Variants in NCOA2 observed in about 807,000 individuals in gnomAD.
NCOA2 encodes the protein class E basic helix-loop-helix protein 75.
Under a neutral mutation model 145.1 loss-of-function variants are expected in NCOA2, and 21 were observed. That is an observed-to-expected ratio of 0.14 (90% CI 0.10 to 0.21). The LOEUF (loss-of-function observed/expected upper bound fraction) is 0.21, where lower values mean the gene tolerates loss of function less well. NCOA2 is among the 10% of genes least tolerant of loss of function. NCOA2 has a pLI of 1.00. For synonymous variants in NCOA2, 619 were observed against 637.5 expected (o/e 0.97, Z 0.44); for missense variants, 1,472 against 1,837.6 (o/e 0.80, Z 3.64).
chr8:70,121,810 T>C (rs1280390053), intron 21 of NCOA2, among the ~76,000 whole-genome samples: 4 of 152,242 alleles, frequency 2.6e-5, no homozygotes, highest in Non-Finnish European at 5.9e-5. Flanking sequence ...CAAGAGCAAG[T>C]GTAAATACCC....
At chr8:70,429,541 A>G in the NCOA2 span, among the ~76,000 whole-genome samples, 5 of 152,188 alleles carry the variant, frequency 3.3e-5, no homozygotes, top group Non-Finnish European at 7.3e-5. Context: ...CACTTTGTAC[A>G]CATGTAGGGC....
intron 2 of NCOA2, among the ~76,000 whole-genome samples, chr8:70,231,696 C>T (rs1158553142): frequency 3.9e-5 from 6 of 152,158 alleles, no homozygotes; most frequent in African/African-American, 9.7e-5. Context: ...GCAGTCCACT[C>T]CAGTAGAAGC....
In NCOA2 at chr8:70,126,809, G is replaced by A. The variant is rs904786593; in HGVS notation, c.3916+4C>T. 6.2e-7 allele frequency: 1 copy of A among 1,612,404 alleles called. No homozygotes were observed. Among genetic ancestry groups the A allele is most frequent in the Middle Eastern group, 1.7e-4 (1 of 5,978 alleles). On this transcript the variant is annotated splice_donor_region_variant and intron_variant, in intron 19 of 22. Transcript: ENST00000452400. ...GAAAGGTGGTGGGGATCTAAGTCCAGTACCGTAGTTTGGAGGAAATGGAAA... is the reference window on the plus strand; with the variant it reads ...GAAAGGTGGTGGGGATCTAAGTCCAATACCGTAGTTTGGAGGAAATGGAAA...
the NCOA2 span, among the ~76,000 whole-genome samples, chr8:70,444,131 GGT>G: frequency 1.3e-5 from 2 of 152,126 alleles, no homozygotes; most frequent in African/African-American, 2.4e-5. Flanking sequence ...TCCTTCAATG[GGT>G]GAATAGCTAA....
chr8:70,308,281 T>C (rs1828043327), intron 1 of NCOA2, among the ~76,000 whole-genome samples: 1 of 152,164 alleles, frequency 6.6e-6, no homozygotes, highest in Non-Finnish European at 1.5e-5. Flanking sequence ...GTGATGCTAG[T>C]AAGTGGTCAT....
chr8:70,328,309 T>C (rs528552781), intron 1 of NCOA2, among the ~76,000 whole-genome samples: 2 of 152,218 alleles, frequency 1.3e-5, no homozygotes, highest in Non-Finnish European at 1.5e-5. Flanking sequence ...AAGAAACCGA[T>C]TATTTTTCAG....
chr8:70,215,793 A>G lies in NCOA2; in HGVS notation c.86+867T>C, dbSNP rs1819567071. Among the ~76,000 whole-genome samples the G allele has an allele frequency of 2.6e-5, 4 of 152,342 alleles. No homozygotes were observed. The South Asian group carries it at 6.2e-4, about 24-fold the overall frequency. ...TCATCCACCGAAACAGGTAGCAACA[A>G]TTATTGTTTCTTGATTATCCTAAAA... On this transcript the variant is annotated intron_variant, in intron 3 of 22. Coordinates refer to ENST00000452400, the MANE Select transcript of NCOA2 (RefSeq NM_006540.4).
At chr8:70,436,781 C>A in the NCOA2 span, among the ~76,000 whole-genome samples, 5 of 152,192 alleles carry the variant, frequency 3.3e-5, no homozygotes, top group African/African-American at 1.2e-4. Flanking sequence ...ACAACCCTGA[C>A]ACTAAGCAGC....
chr8:70,351,630 C>T (rs375001265), intron 1 of NCOA2, among the ~76,000 whole-genome samples: 2 of 149,934 alleles, frequency 1.3e-5, no homozygotes, highest in African/African-American at 4.9e-5. Flanking sequence ...CTCTGTCACC[C>T]AGGCTGAAGT....
At position 70,141,228 on chromosome 8, in the gene NCOA2, T is replaced by C. The variant is rs2131822859; in HGVS notation, c.2984A>G (p.Gln995Arg). The change falls in exon 14 of 23, where the codon CAG becomes CGG. Residue 995 changes from glutamine (Q) to arginine (R), a missense_variant. By Grantham distance (43) the Gln-to-Arg change is conservative. Transcript: ENST00000452400. ...CTGAAGCGTCTGTCTTTGGCCAGGCTGGCTGCTGGGCCTCATGGGGATGCT... is the reference window on the plus strand; with the variant it reads ...CTGAAGCGTCTGTCTTTGGCCAGGCCGGCTGCTGGGCCTCATGGGGATGCT... Reference protein sequence around the residue: ...AASIPMRPSSQPGQRQTLQSQ... With the variant: ...AASIPMRPSSRPGQRQTLQSQ... 1 of 1,613,970 alleles carries C rather than the reference T, an allele frequency of 6.2e-7. No individual in the cohort carries two copies. Among genetic ancestry groups the C allele is most frequent in the Non-Finnish European group, 8.5e-7 (1 of 1,179,878 alleles).
chr8:70,172,396 A>T (rs1466778198), intron 5 of NCOA2, among the ~76,000 whole-genome samples: 4 of 152,110 alleles, frequency 2.6e-5, no homozygotes, highest in African/African-American at 9.7e-5. Context: ...CTATTTTATG[A>T]GCTATCTTTG....
chr8:70,308,805 C>G (rs911111248), intron 1 of NCOA2, among the ~76,000 whole-genome samples: 1 of 152,168 alleles, frequency 6.6e-6, no homozygotes, highest in African/African-American at 2.4e-5. Flanking sequence ...GAATAAACCA[C>G]AGCCTAATAG....
At chr8:70,347,569 T>A (rs1808799312) in intron 1 of NCOA2, among the ~76,000 whole-genome samples, 2 of 151,682 alleles carry the variant, frequency 1.3e-5, no homozygotes, top group Admixed American at 1.3e-4. Context: ...GGTAAGAGGA[T>A]CACTTGAGCC....
At chr8:70,255,465 C>T (rs1237397741) in intron 2 of NCOA2, among the ~76,000 whole-genome samples, 2 of 152,160 alleles carry the variant, frequency 1.3e-5, no homozygotes, top group African/African-American at 4.8e-5. Flanking sequence ...TTCTATATAA[C>T]CCAAGCTAAC....
At chr8:70,407,668 G>A (rs536097688), upstream of NCOA2, among the ~76,000 whole-genome samples, 36 of 151,862 alleles carry the variant, frequency 2.4e-4, no homozygotes, top group South Asian at 3.3e-3. Flanking sequence ...GTGGTGGCGC[G>A]CTCCTGTAGT....
At position 70,202,235 on chromosome 8, in the gene NCOA2, G is replaced by A. The variant is rs577020517; in HGVS notation, c.259+11668C>T. Among the ~76,000 whole-genome samples, 323 of 152,290 alleles carry A rather than the reference G, an allele frequency of 2.1e-3. 1 individual carries two copies. The highest frequency in any genetic ancestry group is 7.4e-3 in the African/African-American group (306 of 41,552). ...AAATGGAAAGTCTTGCACACTGGTG[G>A]TGGAATTGTAAAATGATGCATCCAC... On this transcript the variant is annotated intron_variant, in intron 4 of 22. Transcript: ENST00000452400.
At chr8:70,395,991 C>T (rs896682938) in intron 1 of NCOA2, among the ~76,000 whole-genome samples, 1 of 152,204 alleles carries the variant, frequency 6.6e-6, no homozygotes, top group Non-Finnish European at 1.5e-5. Flanking sequence ...GAAAGCTCTC[C>T]GCGCTCCGTG....
At chr8:70,191,003 T>TGTTAGGTACAGC (rs1248342466) in intron 4 of NCOA2, among the ~76,000 whole-genome samples, 142 of 152,296 alleles carry the variant, frequency 9.3e-4, no homozygotes, top group African/African-American at 3.3e-3. Context: ...GCAAGAAAAC[T>TGTTAGGTACAGC]AATTGAGAAG....
intron 5 of NCOA2, among the ~76,000 whole-genome samples, chr8:70,173,596 T>A (rs1814486421): frequency 6.6e-6 from 1 of 152,108 alleles, no homozygotes. Flanking sequence ...GCTTTTCTCC[T>A]GGAAAGGGAG....
Sources: gnomAD v4.1 joint callset for allele counts (sites outside exome capture counted in the v4.1 genomes callset) on GRCh38, gnomAD v4.1.1 for gene constraint, MANE v1.5 for transcripts, NCBI Gene and HGNC (gene_info 2026-07-23, HGNC 2026-07-21) for gene names.